The following VTI1A variants were observed in gnomAD, a reference collection of about 807,000 sequenced individuals.
The protein encoded by VTI1A is vesicle transport through interaction with t-SNAREs homolog 1A.
A neutral mutation model predicts 34.9 loss-of-function variants in VTI1A; 22 were observed. The observed-to-expected ratio is 0.63, with a 90% CI of 0.45 to 0.90. VTI1A has a LOEUF of 0.90. Among genes scored for constraint, VTI1A ranks in the 40% least tolerant of loss-of-function variants. The pLI is 0.00. For synonymous variants in VTI1A, 87 were observed against 97.3 expected (o/e 0.89, Z 0.62); for missense variants, 268 against 275.6 (o/e 0.97, Z 0.20).
chr10:112,563,704 C>G (rs781392533), intron 5 of VTI1A, among the ~76,000 whole-genome samples: 1 of 152,114 alleles, frequency 6.6e-6, no homozygotes, highest in Non-Finnish European at 1.5e-5. Context: ...CAAATTAGCA[C>G]CAATATATTT....
At chr10:112,654,771 G>A (rs568828567) in intron 5 of VTI1A, among the ~76,000 whole-genome samples, 22 of 152,200 alleles carry the variant, frequency 1.4e-4, no homozygotes, top group Admixed American at 2.6e-4. Flanking sequence ...GTGAGCCACC[G>A]CGCCCGGCCC....
At position 112,641,410 on chromosome 10, in the gene VTI1A, G is replaced by A. The variant is rs117009637; in HGVS notation, c.428-26808G>A. Among the ~76,000 whole-genome samples the A allele has an allele frequency of 8.0e-4, 122 of 152,150 alleles. No individual in the cohort carries two copies. In the East Asian group the frequency reaches 0.016, roughly 21 times the overall value. ...AAAGGTTGAGGACCTTTCCCCACTC[G>A]CCGCGGCTAGGAAACTGGGGGATTT... On this transcript the variant is annotated intron_variant, in intron 5 of 7. Coordinates refer to ENST00000393077, the MANE Select transcript of VTI1A (RefSeq NM_145206.4).
chr10:112,611,495 C>A (rs1845307098), intron 5 of VTI1A, among the ~76,000 whole-genome samples: 1 of 152,194 alleles, frequency 6.6e-6, no homozygotes, highest in Non-Finnish European at 1.5e-5. Context: ...TGTATGATGA[C>A]CTTTCTCAAA....
intron 7 of VTI1A, among the ~76,000 whole-genome samples, chr10:112,781,496 C>T (rs985719520): frequency 6.6e-6 from 1 of 152,080 alleles, no homozygotes. Flanking sequence ...AGGTGGGATT[C>T]CTCTACGGGG....
At chr10:112,637,414 A>G (rs1302597686) in intron 5 of VTI1A, among the ~76,000 whole-genome samples, 1 of 152,170 alleles carries the variant, frequency 6.6e-6, no homozygotes, top group Non-Finnish European at 1.5e-5. Flanking sequence ...CACGCCTGTA[A>G]TCCCAGCACT....
intron 5 of VTI1A, among the ~76,000 whole-genome samples, chr10:112,653,709 TCC>T (rs747351032): frequency 4.6e-5 from 7 of 152,198 alleles, no homozygotes; most frequent in Non-Finnish European, 1.0e-4. Flanking sequence ...TAAAAACCTT[TCC>T]CTGGAGGGGA....
the VTI1A span, among the ~76,000 whole-genome samples, chr10:112,841,235 A>C: frequency 6.6e-6 from 1 of 152,196 alleles, no homozygotes; most frequent in Non-Finnish European, 1.5e-5. Context: ...CCCCCACCTC[A>C]GTGGAAGCAA....
At position 112,793,115 on chromosome 10, in the gene VTI1A, G is replaced by A. The variant is rs141802113; in HGVS notation, c.561-22175G>A. 2.0e-3 allele frequency among the ~76,000 whole-genome samples: 300 copies of A among 152,360 alleles called. 3 individuals are homozygous for A. The highest frequency in any genetic ancestry group is 6.8e-3 in the African/African-American group (283 of 41,584). Reference sequence around the variant, plus strand: ...CCGTGGCTGTGTTAAGGAAGCCAGTGTTATTTGATATAAAGTGCTGCGGAC... The same window carrying A: ...CCGTGGCTGTGTTAAGGAAGCCAGTATTATTTGATATAAAGTGCTGCGGAC... On this transcript the variant is annotated intron_variant, in intron 7 of 7. Transcript: ENST00000393077.
chr10:112,671,828 T>A (rs896607737), intron 7 of VTI1A: 5 of 152,226 alleles, frequency 3.3e-5, no homozygotes, highest in African/African-American at 7.2e-5. Flanking sequence ...TAATATTTTA[T>A]TAACTTCAAA....
chr10:112,765,960 G>A (rs1001267406), intron 7 of VTI1A, among the ~76,000 whole-genome samples: 9 of 152,206 alleles, frequency 5.9e-5, no homozygotes, highest in Non-Finnish European at 1.3e-4. Context: ...GAAAAAGTGA[G>A]ACATGAGCTG....
chr10:112,646,955 A>G (rs1431436810), intron 5 of VTI1A, among the ~76,000 whole-genome samples: 1 of 152,108 alleles, frequency 6.6e-6, no homozygotes. Flanking sequence ...TGTTGGGACC[A>G]TGTTTTATTT....
chr10:112,748,314 G>C (rs1228566432), intron 7 of VTI1A, among the ~76,000 whole-genome samples: 1 of 152,138 alleles, frequency 6.6e-6, no homozygotes, highest in Non-Finnish European at 1.5e-5. Context: ...AGCCAGAGAG[G>C]CTTTGCCCAT....
At chr10:112,591,390 G>T (rs1446423300) in intron 5 of VTI1A, among the ~76,000 whole-genome samples, 1 of 152,088 alleles carries the variant, frequency 6.6e-6, no homozygotes, top group Non-Finnish European at 1.5e-5. Context: ...TGTGGTGGCA[G>T]GTGCCTGTAG....
At position 112,793,757 on chromosome 10, in the gene VTI1A, T is replaced by C. The variant is rs188815015; in HGVS notation, c.561-21533T>C. On this transcript the variant is annotated intron_variant, in intron 7 of 7. Transcript: ENST00000393077. ...CTATGCTCCTGATTGTGTGCTCCGA[T>C]AGGAGGCACGGCTCTGCTTCTAAGG... is the stretch of plus-strand genomic sequence containing the variant. 3.3e-5 allele frequency among the ~76,000 whole-genome samples: 5 copies of C among 152,260 alleles called. No individual in the cohort carries two copies. The East Asian group carries it at 9.7e-4, about 29-fold the overall frequency.
chr10:112,608,386 G>A (rs1030973071), intron 5 of VTI1A, among the ~76,000 whole-genome samples: 5 of 152,182 alleles, frequency 3.3e-5, no homozygotes, highest in African/African-American at 9.7e-5. Flanking sequence ...TGGGGTTTTT[G>A]AGGAAGCTGT....
intron 7 of VTI1A, among the ~76,000 whole-genome samples, chr10:112,734,406 A>C (rs1850381850): frequency 6.6e-6 from 1 of 152,024 alleles, no homozygotes; most frequent in Admixed American, 6.5e-5. Flanking sequence ...GCAGGAGTCC[A>C]TTCCTCCTCT....
chr10:112,533,795 A>G (rs1362123596), intron 4 of VTI1A, among the ~76,000 whole-genome samples: 1 of 147,902 alleles, frequency 6.8e-6, no homozygotes, highest in Non-Finnish European at 1.5e-5. Context: ...TAATACTTTA[A>G]AGGCCAAAAA....
intron 7 of VTI1A, among the ~76,000 whole-genome samples, chr10:112,809,102 G>A (rs977147457): frequency 6.6e-6 from 1 of 152,140 alleles, no homozygotes; most frequent in African/African-American, 2.4e-5. Flanking sequence ...CTGAATTCTC[G>A]CGATGGGGCT....
chr10:112,748,620 CTTTT>C (rs561301572), intron 7 of VTI1A, among the ~76,000 whole-genome samples: 1 of 104,920 alleles, frequency 9.5e-6, no homozygotes, highest in Non-Finnish European at 1.7e-5. Context: ...ATTTAGAAAC[CTTTT>C]TTTTTTTTTT....
Sources: allele counts gnomAD v4.1 joint callset (sites outside exome capture counted in the v4.1 genomes callset), GRCh38; gene constraint gnomAD v4.1.1; transcripts MANE v1.5; gene names NCBI Gene and HGNC (gene_info 2026-07-23, HGNC 2026-07-21).